Variants in AFAP1 observed in about 807,000 individuals in gnomAD.
The protein encoded by AFAP1 is actin filament associated protein 1, also known as actin filament-associated protein 1.
AFAP1 carries 75 observed loss-of-function variants against 93.9 expected under a neutral mutation model. The observed-to-expected ratio is 0.80, with a 90% CI of 0.66 to 0.97. AFAP1 has a LOEUF of 0.97. Among genes scored for constraint, AFAP1 ranks in the 50% least tolerant of loss-of-function variants. The probability of loss-of-function intolerance (pLI) is 0.00; values close to 1 mark genes in which losing one functional copy is unlikely to be tolerated. For missense variants in AFAP1, 1,201 were observed against 1,050.8 expected, an observed-to-expected ratio of 1.14 and a Z score of -1.98; for synonymous variants, 517 against 430.7, an observed-to-expected ratio of 1.20 and a Z score of -2.48.
At chr4:7,778,672 C>T in intron 14 of AFAP1, 90 bp downstream of exon 14, 1 of 1,254,024 alleles carries the variant, frequency 8.0e-7, no homozygotes, top group East Asian at 2.3e-5. Context: ...TGACCCCAAG[C>T]TGGCACTCAC....
intron 1 of AFAP1, among the ~76,000 whole-genome samples, chr4:7,912,247 A>C (rs1179322135): frequency 2.0e-5 from 3 of 152,218 alleles, no homozygotes; most frequent in Middle Eastern, 3.2e-3. Flanking sequence ...TTTATAAATA[A>C]TGCTGCTATG....
At chr4:7,900,330 C>T (rs1020038957) in intron 1 of AFAP1, among the ~76,000 whole-genome samples, 3 of 52,006 alleles carry the variant, frequency 5.8e-5, no homozygotes, top group Admixed American at 1.6e-4. Context: ...TTCCTTTGTG[C>T]GCATCTAGCA....
intron 3 of AFAP1, among the ~76,000 whole-genome samples, chr4:7,863,752 T>C (rs1241650165): frequency 1.3e-5 from 2 of 151,964 alleles, no homozygotes; most frequent in Non-Finnish European, 2.9e-5. Flanking sequence ...CTAAAAAGGA[T>C]AAAAAAGTAA....
intron 1 of AFAP1, among the ~76,000 whole-genome samples, chr4:7,928,836 A>G (rs530146559): frequency 1.6e-4 from 25 of 152,318 alleles, no homozygotes; most frequent in Admixed American, 3.3e-4. Flanking sequence ...GGTGTTCCCC[A>G]TCTTACATGA....
chr4:7,787,677 GTGGTGAGGGA>G (rs1461553977), intron 11 of AFAP1, among the ~76,000 whole-genome samples: 1 of 152,228 alleles, frequency 6.6e-6, no homozygotes, highest in Non-Finnish European at 1.5e-5. Context: ...TGTGGAGCCT[GTGGTGAGGGA>G]ACGGCTCACT....
At chr4:7,833,202 A>G in intron 6 of AFAP1, among the ~76,000 whole-genome samples, 1 of 152,236 alleles carries the variant, frequency 6.6e-6, no homozygotes, top group Non-Finnish European at 1.5e-5. Context: ...CAGTCAGCAG[A>G]GTAAACAGAC....
intron 3 of AFAP1, among the ~76,000 whole-genome samples, chr4:7,865,960 G>A (rs764105661): frequency 6.6e-6 from 1 of 152,120 alleles, no homozygotes; most frequent in Admixed American, 6.5e-5. Context: ...GCAGTGGCTC[G>A]ATCTCAGCTC....
intron 6 of AFAP1, 99 bp downstream of exon 6, chr4:7,838,424 GC>G: frequency 7.4e-7 from 1 of 1,358,830 alleles, no homozygotes; most frequent in Non-Finnish European, 9.8e-7. Context: ...AATCCATCTT[GC>G]CTATGCTTGA....
In AFAP1 at chr4:7,881,932, C is replaced by A. The variant is rs573357371; in HGVS notation, c.-2-9852G>T. Among the ~76,000 whole-genome samples, 163 of 152,306 alleles carry A rather than the reference C, an allele frequency of 1.1e-3. 4 individuals are homozygous for A. In the South Asian group the frequency reaches 0.032, roughly 30 times the overall value. On this transcript the variant is annotated intron_variant, in intron 1 of 17. Transcript: ENST00000420658. The stretch of plus-strand genomic sequence containing the variant: ...TTAAAGCGAGATGGATATTATATAT[C>A]TCAGCATCATCATGAGGATTAAATG...
intron 1 of AFAP1, among the ~76,000 whole-genome samples, chr4:7,900,791 T>A (rs1719071794): frequency 6.6e-6 from 1 of 152,204 alleles, no homozygotes; most frequent in Admixed American, 6.5e-5. Flanking sequence ...TTGCAATAAT[T>A]CACTGAAACA....
chr4:7,774,984 A>G (rs754633435), intron 14 of AFAP1, 81 bp from the exon 15 acceptor site: 2 of 1,525,056 alleles, frequency 1.3e-6, no homozygotes, highest in African/African-American at 1.4e-5. Flanking sequence ...TCCACAAAAA[A>G]TACAAAATTA....
At chr4:7,782,020 C>A (rs1716822896) in intron 12 of AFAP1, among the ~76,000 whole-genome samples, 1 of 152,160 alleles carries the variant, frequency 6.6e-6, no homozygotes. Flanking sequence ...TCTCCTAGCG[C>A]AGGGCGTGGA....
At chr4:7,927,700 T>C (rs1047917458) in intron 1 of AFAP1, among the ~76,000 whole-genome samples, 1 of 152,196 alleles carries the variant, frequency 6.6e-6, no homozygotes, top group Non-Finnish European at 1.5e-5. Flanking sequence ...TATACACTCA[T>C]ATATTCACAG....
At chr4:7,884,412 T>C (rs988562623) in intron 1 of AFAP1, among the ~76,000 whole-genome samples, 2 of 152,194 alleles carry the variant, frequency 1.3e-5, no homozygotes, top group African/African-American at 2.4e-5. Flanking sequence ...AAAATAAGAA[T>C]GCAGAGATGT....
Position 7,935,039 on chromosome 4 carries a change from A to G in AFAP1, c.-3+4617T>C, listed in dbSNP as rs138420778. ...ATAAAACAATACTGGCCAATTAAAG[A>G]TAGAAAAAACCCTAATCAAGCTCCC... On this transcript the variant is annotated intron_variant, in intron 1 of 17. Transcript: ENST00000420658. Among the ~76,000 whole-genome samples, 7 of 152,344 alleles carry G rather than the reference A, an allele frequency of 4.6e-5. No individual in the cohort carries two copies. In the East Asian group the frequency reaches 1.3e-3, roughly 29 times the overall value.
chr4:7,782,743 T>G (rs1439530883), intron 12 of AFAP1, among the ~76,000 whole-genome samples: 1 of 152,232 alleles, frequency 6.6e-6, no homozygotes, highest in Non-Finnish European at 1.5e-5. Flanking sequence ...TGCCAGACGG[T>G]AATTACAACC....
rs187998382 is a variant in AFAP1 at position 7,885,207 on chromosome 4, G to A, written c.-2-13127C>T. On this transcript the variant is annotated intron_variant, in intron 1 of 17. Transcript: ENST00000420658. ...AAAAATCTTAATTAACCTGGACTGT[G>A]CTTATTTTCTAGATTGTCTCTTTCC... is the stretch of plus-strand genomic sequence containing the variant. 2.0e-3 allele frequency among the ~76,000 whole-genome samples: 305 copies of A among 152,302 alleles called. 2 individuals carry two copies. Among genetic ancestry groups the A allele is most frequent in the Non-Finnish European group, 3.7e-3 (250 of 68,020 alleles).
intron 10 of AFAP1, chr4:7,799,187 C>G (rs1718781592): frequency 1.5e-5 from 10 of 664,770 alleles, no homozygotes; most frequent in Admixed American, 6.3e-5. Context: ...CCCAGCTGTC[C>G]CAAGCCCATC....
chr4:7,845,790 A>G (rs1353710327), intron 4 of AFAP1, among the ~76,000 whole-genome samples: 1 of 151,812 alleles, frequency 6.6e-6, no homozygotes, highest in Admixed American at 6.6e-5. Flanking sequence ...TTACATTTCA[A>G]TTTTCATTCA....
Sources: allele counts gnomAD v4.1 joint callset (sites outside exome capture counted in the v4.1 genomes callset), GRCh38; gene constraint gnomAD v4.1.1; transcripts MANE v1.5; gene names NCBI Gene and HGNC (gene_info 2026-07-23, HGNC 2026-07-21).